Variants in CEACAM1 observed in about 807,000 individuals in gnomAD.
CEACAM1 encodes the protein CEA cell adhesion molecule 1, also known as cell adhesion molecule CEACAM1.
Under a neutral mutation model 49.1 loss-of-function variants are expected in CEACAM1, and 31 were observed. The observed-to-expected ratio is 0.63, with a 90% CI of 0.47 to 0.85. CEACAM1 has a LOEUF of 0.85. Among genes scored for constraint, CEACAM1 ranks in the 40% least tolerant of loss-of-function variants. The pLI is 0.00. For synonymous variants in CEACAM1, 244 were observed against 247.8 expected, an observed-to-expected ratio of 0.98 and a Z score of 0.14; for missense variants, 570 against 645.3, an observed-to-expected ratio of 0.88 and a Z score of 1.26.
At chr19:42,509,692 T>C (rs1388282248) in intron 8 of CEACAM1, among the ~76,000 whole-genome samples, 2 of 152,012 alleles carry the variant, frequency 1.3e-5, no homozygotes, top group African/African-American at 4.8e-5. Flanking sequence ...AATGGCACGA[T>C]CTCGGCTCAC....
At chr19:42,525,382 G>A (rs974206048) in intron 2 of CEACAM1, among the ~76,000 whole-genome samples, 1 of 151,346 alleles carries the variant, frequency 6.6e-6, no homozygotes, top group Non-Finnish European at 1.5e-5. Context: ...GCACCACCAT[G>A]CCCGACTAAT....
In CEACAM1 at chr19:42,508,103, C is replaced by G. The variant is rs553598371; in HGVS notation, c.*1006G>C. On this transcript the variant is annotated 3_prime_UTR_variant, in exon 9 of 9. Transcript: ENST00000161559. ...GGTGGTTTCTTTCACCTAAGGCAAT[C>G]GGATTGGCTGACATAGCTAAGCTAA... 2.0e-5 allele frequency: 3 copies of G among 152,146 alleles called. No individual in the cohort carries two copies. Among genetic ancestry groups the G allele is most frequent in the Non-Finnish European group, 4.4e-5 (3 of 68,024 alleles). 9.4% of individuals were successfully genotyped at this position (152,146 alleles called of 1,614,324 possible).
At chr19:42,517,289 T>C (rs551198549) in intron 5 of CEACAM1, among the ~76,000 whole-genome samples, 33 of 152,290 alleles carry the variant, frequency 2.2e-4, no homozygotes, top group African/African-American at 7.0e-4. Flanking sequence ...GCTATGACAC[T>C]AAAAGCATAG....
At chr19:42,514,109 C>T (rs1250251831) in intron 5 of CEACAM1, among the ~76,000 whole-genome samples, 4 of 148,436 alleles carry the variant, frequency 2.7e-5, no homozygotes, top group African/African-American at 1.0e-4. Flanking sequence ...GCACATGCCA[C>T]CACACCTGGC....
chr19:42,518,962 A>T lies in CEACAM1; in HGVS notation c.1232T>A (p.Met411Lys), dbSNP rs377142844. 6.2e-7 allele frequency: 1 copy of T among 1,614,224 alleles called. No individual in the cohort carries two copies. The highest frequency in any genetic ancestry group is 1.1e-5 in the South Asian group (1 of 91,088). The change falls in exon 5 of 9, where the codon ATG becomes AAG. Residue 411 changes from methionine (M) to lysine (K), a missense_variant. Physicochemically the swap from Met to Lys is moderately conservative, Grantham distance 95. Coordinates refer to ENST00000161559, the MANE Select transcript of CEACAM1 (RefSeq NM_001712.5). Reference sequence around the variant, plus strand: ...GAGTCACTTACAGTTTACGTTCAGCATGATGGGGTCGCTTTGGTTCTTACT... The same window carrying T: ...GAGTCACTTACAGTTTACGTTCAGCTTGATGGGGTCGCTTTGGTTCTTACT... ...PISKNQSDPIMLNVNYNALPQ... is the reference protein window; with the variant it reads ...PISKNQSDPIKLNVNYNALPQ...
Position 42,507,729 on chromosome 19 carries a change from C to G in CEACAM1, c.*1380G>C, listed in dbSNP as rs76779598. On this transcript the variant is annotated 3_prime_UTR_variant, in exon 9 of 9. Coordinates refer to ENST00000161559, the MANE Select transcript of CEACAM1 (RefSeq NM_001712.5). ...CTAGGCCTAAGTTATAATCCTCCTCCTCACAGCCCCATTTCCCCAAGGGGC... is the reference window on the plus strand; with the variant it reads ...CTAGGCCTAAGTTATAATCCTCCTCGTCACAGCCCCATTTCCCCAAGGGGC... 6.6e-6 allele frequency: 1 copy of G among 152,364 alleles called. No individual in the cohort carries two copies. Among genetic ancestry groups the G allele is most frequent in the African/African-American group, 2.4e-5 (1 of 41,572 alleles). The allele number at this position is 152,364 out of a possible 1,614,324, so 9.4% of individuals were successfully genotyped here. A position where few individuals can be genotyped will look rare whatever the true frequency, so the allele number is the denominator to read the frequency against.
chr19:42,524,239 G>T (rs931401777), intron 2 of CEACAM1, among the ~76,000 whole-genome samples: 2 of 152,206 alleles, frequency 1.3e-5, no homozygotes, highest in Non-Finnish European at 2.9e-5. Flanking sequence ...TGAGGACACA[G>T]GTGTAGGTGG....
chr19:42,512,451 G>T lies in CEACAM1; in HGVS notation c.1275C>A (p.Leu425=). 6.2e-7 allele frequency: 1 copy of T among 1,614,200 alleles called. No individual in the cohort carries two copies. The highest frequency in any genetic ancestry group is 8.5e-7 in the Non-Finnish European group (1 of 1,180,008). ...CAATGCCAGCAATGGCCCCAGGTGAGAGGCCATTTTCTTGTGGTAGAGCAT... is the reference window on the plus strand; with the variant it reads ...CAATGCCAGCAATGGCCCCAGGTGATAGGCCATTTTCTTGTGGTAGAGCAT... ...NYNALPQENG[L]SPGAIAGIVI... is the part of the protein sequence containing the mutation. The change falls in exon 6 of 9, where the codon CTC becomes CTA. Residue 425 remains leucine (L), a synonymous_variant. Transcript: ENST00000161559.
In CEACAM1 at chr19:42,509,018, C is replaced by T. The variant is rs41448247; in HGVS notation, c.*91G>A. 1,186 of 1,515,118 alleles carry T rather than the reference C, an allele frequency of 7.8e-4. 12 individuals are homozygous for T. In the African/African-American group the frequency reaches 0.014, roughly 18 times the overall value. 93.9% of individuals were successfully genotyped at this position (1,515,118 alleles called of 1,614,324 possible). ...AGGAGAAAGTTGTTTCTGTCCCCAC[C>T]CCTCTACCCCTACAGGGGAAAGGAA... On this transcript the variant is annotated 3_prime_UTR_variant, in exon 9 of 9. Coordinates refer to ENST00000161559, the MANE Select transcript of CEACAM1 (RefSeq NM_001712.5).
chr19:42,511,546 G>T (rs2041456862), intron 7 of CEACAM1, 30 bp downstream of exon 7: 1 of 1,599,174 alleles, frequency 6.3e-7, no homozygotes, highest in Non-Finnish European at 8.6e-7. Context: ...GAACATACCA[G>T]TTCTCACTGG....
At chr19:42,509,876 C>G (rs1366535013) in intron 8 of CEACAM1, among the ~76,000 whole-genome samples, 9 of 152,176 alleles carry the variant, frequency 5.9e-5, no homozygotes, top group Non-Finnish European at 1.2e-4. Flanking sequence ...ATCCACCTGC[C>G]TTGGCCTCCC....
At position 42,519,232 on chromosome 19, in the gene CEACAM1, A is replaced by G; in HGVS notation, c.962T>C (p.Leu321Pro). The change falls in exon 5 of 9, where the codon CTA becomes CCA. Residue 321 changes from leucine (L) to proline (P), a missense_variant. Leu to Pro is a moderately conservative substitution (Grantham distance 98, BLOSUM62 -3). Transcript: ENST00000161559. ...TTGGGGCTTTGCTACTACTGGACTTAGCTCTGTGGACAAGCAGAGTATCTG... is the reference window on the plus strand; with the variant it reads ...TTGGGGCTTTGCTACTACTGGACTTGGCTCTGTGGACAAGCAGAGTATCTG... The part of the protein sequence containing the change: ...TTVKTIIVTE[L>P]SPVVAKPQIK... 1 of 1,613,908 alleles carries G rather than the reference A, an allele frequency of 6.2e-7. No individual in the cohort carries two copies. The highest frequency in any genetic ancestry group is 1.1e-5 in the South Asian group (1 of 91,066).
chr19:42,509,211 A>G lies in CEACAM1; in HGVS notation c.1479T>C (p.Tyr493=), dbSNP rs11666350. Residue 493 remains tyrosine, a synonymous_variant, in exon 9 of 9, where the codon TAT becomes TAC. Coordinates refer to ENST00000161559, the MANE Select transcript of CEACAM1 (RefSeq NM_001712.5). ...GCTGGGCTTCAAAGTTCAGGGTAGA[A>G]TAAGTAACTTCATTCATCTGAAAAG... The part of the protein sequence containing the change: ...DPPNKMNEVT[Y]STLNFEAQQP... 0.11 allele frequency: 169,683 copies of G among 1,611,260 alleles called. 10,747 individuals are homozygous for G. Among genetic ancestry groups the G allele is most frequent in the Admixed American group, 0.25 (15,120 of 59,772 alleles).
At chr19:42,526,352 C>T (rs2041890386) in intron 2 of CEACAM1, among the ~76,000 whole-genome samples, 2 of 152,192 alleles carry the variant, frequency 1.3e-5, no homozygotes, top group Admixed American at 1.3e-4. Context: ...CTCTGTTCCT[C>T]CTCCTGGGGA....
chr19:42,509,649 C>T (rs541408255), intron 8 of CEACAM1, among the ~76,000 whole-genome samples: 8 of 151,118 alleles, frequency 5.3e-5, no homozygotes, highest in South Asian at 2.1e-4. Flanking sequence ...TTTTTTGCGA[C>T]GGAGTCTCGC....
In CEACAM1 at chr19:42,510,877, G is replaced by A. The variant is rs374692844; in HGVS notation, c.1461+12C>T. ...ATGAGAAAATAAGCCCATGAAAACC[G>A]GCTATGCTTACCTTGTTAGGTGGGT... On this transcript the variant is annotated intron_variant, in intron 8 of 8. Coordinates refer to ENST00000161559, the MANE Select transcript of CEACAM1 (RefSeq NM_001712.5). 2.0e-5 allele frequency: 32 copies of A among 1,610,364 alleles called. No homozygotes were observed. The African/African-American group carries it at 2.7e-4, about 13-fold the overall frequency.
At position 42,514,655 on chromosome 19, in the gene CEACAM1, G is replaced by A. The variant is rs913183056; in HGVS notation, c.1247-2176C>T. Among the ~76,000 whole-genome samples the A allele has an allele frequency of 3.3e-5, 5 of 152,296 alleles. No individual in the cohort carries two copies. In the Middle Eastern group the frequency reaches 0.014, roughly 414 times the overall value. On this transcript the variant is annotated intron_variant, in intron 5 of 8. Coordinates refer to ENST00000161559, the MANE Select transcript of CEACAM1 (RefSeq NM_001712.5). ...AACTCAGGCTGGTGACTAATGCTATGTTAGCTACTTTTGTGGAGTACTTCC... is the reference window on the plus strand; with the variant it reads ...AACTCAGGCTGGTGACTAATGCTATATTAGCTACTTTTGTGGAGTACTTCC...
chr19:42,513,734 A>G (rs750819010), intron 5 of CEACAM1, among the ~76,000 whole-genome samples: 1 of 148,044 alleles, frequency 6.8e-6, no homozygotes, highest in Non-Finnish European at 1.5e-5. Flanking sequence ...ATTTTCCCCA[A>G]TAAATTATCT....
intron 5 of CEACAM1, among the ~76,000 whole-genome samples, chr19:42,517,656 AAAAAC>A (rs1342871308): frequency 3.9e-4 from 59 of 152,224 alleles, no homozygotes; most frequent in African/African-American, 1.4e-3. Flanking sequence ...GGCCATTATA[AAAAAC>A]AAAACAAAAC....
Sources: allele counts gnomAD v4.1 joint callset (sites outside exome capture counted in the v4.1 genomes callset), GRCh38; gene constraint gnomAD v4.1.1; transcripts MANE v1.5; gene names NCBI Gene and HGNC (gene_info 2026-07-23, HGNC 2026-07-21).